The following C17orf67 variants were observed in gnomAD, a reference collection of about 807,000 sequenced individuals.
C17orf67 encodes chromosome 17 open reading frame 67.
A neutral mutation model predicts 11.2 loss-of-function variants in C17orf67; 12 were observed. The observed-to-expected ratio is 1.07, with a 90% CI of 0.68 to 1.73. The LOEUF (loss-of-function observed/expected upper bound fraction) is 1.73. Among genes scored for constraint, C17orf67 ranks in the 40% most tolerant of loss-of-function variants. The pLI is 0.00. For synonymous variants in C17orf67, 59 were observed against 46.9 expected (o/e 1.26, Z -1.05); for missense variants, 115 against 113.5 (o/e 1.01, Z -0.06).
At chr17:56,815,679 TA>T in intron 5 of C17orf67, 76 bp downstream of exon 5, 2 of 1,263,788 alleles carry the variant, frequency 1.6e-6, no homozygotes, top group Non-Finnish European at 2.1e-6. Flanking sequence ...TATTTAAAAT[TA>T]AAAAATTAAA....
intron 6 of C17orf67, among the ~76,000 whole-genome samples, chr17:56,803,124 G>A (rs1223327991): frequency 6.6e-6 from 1 of 152,236 alleles, no homozygotes. Context: ...AAGGGCATAT[G>A]CAGGCAGTAC....
chr17:56,803,302 T>C (rs1046676730), intron 6 of C17orf67, among the ~76,000 whole-genome samples: 20 of 152,222 alleles, frequency 1.3e-4, no homozygotes, highest in Admixed American at 1.2e-3. Flanking sequence ...ATTTATTAAA[T>C]AGAACTTCCC....
At chr17:56,809,654 T>C (rs75602427) in intron 6 of C17orf67, among the ~76,000 whole-genome samples, 1,830 of 108,994 alleles carry the variant, frequency 0.017, 28 homozygotes, top group African/African-American at 0.061. Context: ...CACAGACCCC[T>C]CACAGACTGC....
chr17:56,820,866 G>GTCATCA (rs1905886057), intron 4 of C17orf67, among the ~76,000 whole-genome samples: 1 of 137,868 alleles, frequency 7.3e-6, no homozygotes, highest in Admixed American at 8.1e-5. Flanking sequence ...AGTTCTAAAT[G>GTCATCA]TCATCACACT....
At chr17:56,802,626 C>T (rs1396293690) in intron 6 of C17orf67, among the ~76,000 whole-genome samples, 1 of 152,230 alleles carries the variant, frequency 6.6e-6, no homozygotes, top group African/African-American at 2.4e-5. Context: ...GATCCCAATA[C>T]TACAGGGCCT....
intron 3 of C17orf67, 87 bp downstream of exon 3, chr17:56,824,994 T>G (rs1425326901): frequency 6.6e-6 from 1 of 152,214 alleles, no homozygotes; most frequent in African/African-American, 2.4e-5. Context: ...ACTATTATTT[T>G]TAAAACCGTA....
intron 6 of C17orf67, among the ~76,000 whole-genome samples, chr17:56,805,492 A>G (rs1185457804): frequency 1.3e-5 from 2 of 152,236 alleles, no homozygotes; most frequent in African/African-American, 2.4e-5. Flanking sequence ...TCAAGATACC[A>G]TAATCATGTT....
chr17:56,830,895 A>G (rs1167322953), intron 2 of C17orf67, among the ~76,000 whole-genome samples: 1 of 152,208 alleles, frequency 6.6e-6, no homozygotes, highest in African/African-American at 2.4e-5. Flanking sequence ...ACGAAGACAT[A>G]GGGAAGAACT....
intron 6 of C17orf67, among the ~76,000 whole-genome samples, chr17:56,809,615 G>A (rs72837356): frequency 0.2 from 16,776 of 82,338 alleles, 1,064 homozygotes; most frequent in South Asian, 0.28. Flanking sequence ...ACCCTCACGC[G>A]CACACACACC....
chr17:56,825,944 A>AGT (rs34927974), intron 2 of C17orf67, among the ~76,000 whole-genome samples: 1,087 of 90,266 alleles, frequency 0.012, 9 homozygotes, highest in African/African-American at 0.028. Flanking sequence ...GAAACCTGTG[A>AGT]GTGTGTGTGT....
chr17:56,797,008 G>A (rs1314181897), intron 6 of C17orf67, among the ~76,000 whole-genome samples: 8 of 152,140 alleles, frequency 5.3e-5, no homozygotes, highest in Non-Finnish European at 1.0e-4. Flanking sequence ...CAGCAGATGA[G>A]TGCAGCTTTG....
At chr17:56,809,818 CCTCACACA>C (rs1905558279) in intron 6 of C17orf67, among the ~76,000 whole-genome samples, 1 of 131,702 alleles carries the variant, frequency 7.6e-6, no homozygotes, top group African/African-American at 2.8e-5. Flanking sequence ...ACACATACAC[CCTCACACA>C]CTCACACACC....
chr17:56,809,768 TAC>T (rs1192612851), intron 6 of C17orf67, among the ~76,000 whole-genome samples: 14 of 114,920 alleles, frequency 1.2e-4, no homozygotes, highest in South Asian at 3.2e-4. Flanking sequence ...CACACCCCTC[TAC>T]ACACACACCT....
intron 2 of C17orf67, among the ~76,000 whole-genome samples, chr17:56,831,778 A>G (rs1200486594): frequency 1.3e-5 from 2 of 152,144 alleles, no homozygotes; most frequent in Non-Finnish European, 2.9e-5. Flanking sequence ...CGTGCCATGT[A>G]CATACGTACG....
chr17:56,814,728 T>C, intron 6 of C17orf67, 141 bp downstream of exon 6: 2 of 792,420 alleles, frequency 2.5e-6, no homozygotes, highest in Admixed American at 2.0e-5. Flanking sequence ...AGGTAAAAGA[T>C]TGAGATTGCA....
chr17:56,803,290 G>A (rs1278730863), intron 6 of C17orf67, among the ~76,000 whole-genome samples: 1 of 152,210 alleles, frequency 6.6e-6, no homozygotes, highest in Non-Finnish European at 1.5e-5. Flanking sequence ...ACAATTTACA[G>A]TATTTATTAA....
intron 4 of C17orf67, among the ~76,000 whole-genome samples, chr17:56,817,981 C>T (rs1213279038): frequency 3.3e-5 from 5 of 151,708 alleles, no homozygotes; most frequent in African/African-American, 1.2e-4. Context: ...GTAGCTGGGA[C>T]TACACGCATG....
chr17:56,798,515 G>A (rs34111236), intron 6 of C17orf67, among the ~76,000 whole-genome samples: 2,081 of 152,106 alleles, frequency 0.014, 28 homozygotes, highest in Non-Finnish European at 0.024. Flanking sequence ...TGATATTAGG[G>A]CTCACTCTTG....
At position 56,823,888 on chromosome 17, in the gene C17orf67, A is replaced by T. The variant is rs540614389; in HGVS notation, c.-201+851T>A. Reference sequence around the variant, plus strand: ...GAATATTATTCAGCACTAAAAAAAAATGAGCTATCAGGCCATGAAAAGATA... The same window carrying T: ...GAATATTATTCAGCACTAAAAAAAATTGAGCTATCAGGCCATGAAAAGATA... On this transcript the variant is annotated intron_variant, in intron 4 of 7. Transcript: ENST00000397861. Among the ~76,000 whole-genome samples the T allele has an allele frequency of 7.2e-5, 11 of 152,350 alleles. No individual in the cohort carries two copies. The South Asian group carries it at 2.3e-3, about 32-fold the overall frequency.
Sources: allele counts gnomAD v4.1 joint callset (sites outside exome capture counted in the v4.1 genomes callset), GRCh38; gene constraint gnomAD v4.1.1; transcripts MANE v1.5; gene names NCBI Gene and HGNC (gene_info 2026-07-23, HGNC 2026-07-21).